Variants in INPP5D observed in about 807,000 individuals in gnomAD.
INPP5D encodes the protein phosphatidylinositol 3,4,5-trisphosphate 5-phosphatase 1.
A neutral mutation model predicts 122.9 loss-of-function variants in INPP5D; 33 were observed. The observed-to-expected ratio is 0.27, with a 90% CI of 0.20 to 0.36. The LOEUF (loss-of-function observed/expected upper bound fraction) is 0.36, where lower values mean the gene tolerates loss of function less well. Among genes scored for constraint, INPP5D ranks in the 10% least tolerant of loss-of-function variants. The pLI is 1.00. For missense variants in INPP5D, 1,053 were observed against 1,412.7 expected (o/e 0.75, Z 4.08); for synonymous variants, 584 against 576.2 (o/e 1.01, Z -0.19).
chr2:233,088,854 A>G (rs1355462559), intron 2 of INPP5D, among the ~76,000 whole-genome samples: 1 of 152,150 alleles, frequency 6.6e-6, no homozygotes, highest in East Asian at 1.9e-4. Flanking sequence ...CAGCAAGGCC[A>G]TCCAAAGGGG....
intron 7 of INPP5D, 42 bp from the exon 8 acceptor site, chr2:233,146,325 G>A (rs571330134): frequency 3.4e-5 from 24 of 704,238 alleles, no homozygotes; most frequent in South Asian, 5.9e-5. Flanking sequence ...GCACAGGCTC[G>A]GCGTCCCCTT....
chr2:233,137,832 CAAAAAAAAAAAAAAAAA>C (rs746005379), intron 5 of INPP5D, among the ~76,000 whole-genome samples: 1 of 10,142 alleles, frequency 9.9e-5, no homozygotes, highest in African/African-American at 2.7e-4. Flanking sequence ...AACTCCATCA[CAAAAAAAAAAAAAAAAA>C]AAAAATATAT....
At chr2:233,130,981 C>A in intron 5 of INPP5D, 1 of 469,202 alleles carries the variant, frequency 2.1e-6, no homozygotes, top group Non-Finnish European at 4.0e-6. Flanking sequence ...GCTGCTCTTG[C>A]TGTTTGCTGC....
At position 233,183,721 on chromosome 2, in the gene INPP5D, C is replaced by T. The variant is rs1694839883; in HGVS notation, c.2162-687C>T. On this transcript the variant is annotated intron_variant, in intron 19 of 26. Transcript: ENST00000445964. This position sits in a 1 kb window ranked among gnomAD's most constrained non-coding sequence, Gnocchi z 4.6. ...AGCATTGACAGGGCATCTACCTAAG[C>T]CAAGCCTGGACTGGGCACTGTGGGA... Among the ~76,000 whole-genome samples the T allele has an allele frequency of 6.6e-6, 1 of 152,140 alleles. No homozygotes were observed. Among genetic ancestry groups the T allele is most frequent in the South Asian group, 2.1e-4 (1 of 4,828 alleles).
At chr2:233,141,457 C>T (rs1458095800) in intron 6 of INPP5D, 3 of 151,996 alleles carry the variant, frequency 2.0e-5, no homozygotes, top group Non-Finnish European at 2.9e-5. Flanking sequence ...ATCCCAGCTA[C>T]TCAGGAGGCT....
intron 18 of INPP5D, among the ~76,000 whole-genome samples, chr2:233,180,683 C>T (rs1391496596): frequency 2.6e-5 from 4 of 152,226 alleles, no homozygotes; most frequent in East Asian, 1.9e-4. Context: ...GGATTACAGG[C>T]GCCCACCACC....
chr2:233,066,289 C>T (rs1316173281), intron 1 of INPP5D, among the ~76,000 whole-genome samples: 3 of 152,234 alleles, frequency 2.0e-5, no homozygotes, highest in Non-Finnish European at 4.4e-5. Flanking sequence ...GGTGCCATCT[C>T]CCTGCACATG....
chr2:233,145,923 A>T (rs1693746061), intron 6 of INPP5D: 1 of 663,450 alleles, frequency 1.5e-6, no homozygotes, highest in Admixed American at 2.1e-5. Flanking sequence ...GGTGAGAAGC[A>T]CCGGGGGAGA....
At chr2:233,195,035 A>AT (rs1381406619) in intron 23 of INPP5D, among the ~76,000 whole-genome samples, 1 of 152,198 alleles carries the variant, frequency 6.6e-6, no homozygotes, top group African/African-American at 2.4e-5. Context: ...ACCTCAAGTG[A>AT]CACACCTGCC....
At chr2:233,169,262 GTC>G (rs763650281) in intron 13 of INPP5D, 41 bp from the exon 14 acceptor site, 53 of 1,559,186 alleles carry the variant, frequency 3.4e-5, no homozygotes, top group Non-Finnish European at 4.5e-5. Context: ...TGGCAAGTGT[GTC>G]TGTTTGATAT....
intron 13 of INPP5D, among the ~76,000 whole-genome samples, chr2:233,165,909 C>T (rs1281209394): frequency 6.6e-6 from 1 of 151,958 alleles, no homozygotes; most frequent in Non-Finnish European, 1.5e-5. Flanking sequence ...CACAGGGCTC[C>T]AGGGCTGGCA....
In INPP5D at chr2:233,129,611, C is replaced by A. The variant is rs957953310; in HGVS notation, c.525-897C>A. Among the ~76,000 whole-genome samples the A allele has an allele frequency of 3.3e-5, 5 of 152,168 alleles. No homozygotes were observed. In the East Asian group the frequency reaches 9.6e-4, roughly 29 times the overall value. On this transcript the variant is annotated intron_variant, in intron 4 of 26. Coordinates refer to ENST00000445964, the MANE Select transcript of INPP5D (RefSeq NM_001017915.3). The stretch of plus-strand genomic sequence containing the variant: ...TGAAGGGGTTGGAGCAGATTCCACA[C>A]GGCAAAGTCGGCCACTTGCACTACC...
chr2:233,097,950 G>A (rs921915024), intron 2 of INPP5D, among the ~76,000 whole-genome samples: 18 of 151,560 alleles, frequency 1.2e-4, no homozygotes, highest in African/African-American at 3.9e-4. Context: ...GCAGTGGCGC[G>A]ATCTCGGTCA....
intron 2 of INPP5D, among the ~76,000 whole-genome samples, chr2:233,098,936 T>TTA (rs1692225150): frequency 6.8e-6 from 1 of 145,986 alleles, no homozygotes; most frequent in Non-Finnish European, 1.5e-5. Flanking sequence ...GGAACTTTAT[T>TTA]TTTATTTATT....
At position 233,125,802 on chromosome 2, in the gene INPP5D, G is replaced by C; in HGVS notation, c.407G>C (p.Ser136Thr). The C allele has an allele frequency of 1.2e-6, 2 of 1,613,960 alleles. No homozygotes were observed. Among genetic ancestry groups the C allele is most frequent in the Non-Finnish European group, 1.7e-6 (2 of 1,179,864 alleles). Reference protein sequence around the residue: ...LPPRNIPLTASSCEAKEVPFS... With the variant: ...LPPRNIPLTATSCEAKEVPFS... ...CCAAGAAACATCCCGCTGACTGCCAGCTCCTGTGAGGCCAAGGAGGTTCCT... is the reference window on the plus strand; with the variant it reads ...CCAAGAAACATCCCGCTGACTGCCACCTCCTGTGAGGCCAAGGAGGTTCCT... Residue 136 changes from serine to threonine, a missense_variant, in exon 4 of 27, where the codon AGC becomes ACC. By Grantham distance (58) the Ser-to-Thr change is moderately conservative. Around this residue, in one of 6 missense-constraint regions of INPP5D, gnomAD observed 196 missense variants for 175.6 expected, o/e 1.12. Transcript: ENST00000445964.
chr2:233,157,370 C>G (rs1194197496), intron 9 of INPP5D, among the ~76,000 whole-genome samples: 6 of 151,686 alleles, frequency 4.0e-5, no homozygotes, highest in Non-Finnish European at 8.8e-5. Context: ...GACAAAGGAA[C>G]TGATGAAAGT....
At chr2:233,066,568 T>A (rs1256713763) in intron 1 of INPP5D, among the ~76,000 whole-genome samples, 2 of 152,172 alleles carry the variant, frequency 1.3e-5, no homozygotes, top group Non-Finnish European at 2.9e-5. Flanking sequence ...TGAGGTATAA[T>A]TCATATTCCA....
intron 4 of INPP5D, among the ~76,000 whole-genome samples, chr2:233,130,198 G>A (rs1347761151): frequency 1.3e-5 from 2 of 152,096 alleles, no homozygotes; most frequent in Non-Finnish European, 2.9e-5. Context: ...CCCAGCCTTG[G>A]TCTCCTTTTT....
In INPP5D at chr2:233,170,633, G is replaced by A. The variant is rs1324643571; in HGVS notation, c.1900+29G>A. 6 of 1,609,738 alleles carry A rather than the reference G, an allele frequency of 3.7e-6. No homozygotes were observed. Among genetic ancestry groups the A allele is most frequent in the Non-Finnish European group, 5.1e-6 (6 of 1,177,968 alleles). Reference sequence around the variant, plus strand: ...AGAGCAGCAACCCCGGCTGGGAGCGGTGGCTCACACCTGTAATCCCAGCAC... The same window carrying A: ...AGAGCAGCAACCCCGGCTGGGAGCGATGGCTCACACCTGTAATCCCAGCAC... On this transcript the variant is annotated intron_variant, in intron 16 of 26. Coordinates refer to ENST00000445964, the MANE Select transcript of INPP5D (RefSeq NM_001017915.3). The surrounding 1 kb of genome is among the most constrained non-coding windows in gnomAD (Gnocchi z 4.5).
Sources: gnomAD v4.1 joint callset for allele counts (sites outside exome capture counted in the v4.1 genomes callset) on GRCh38, gnomAD v4.1.1 for gene constraint, gnomAD v4.1.1 regional missense constraint, Gnocchi (gnomAD v3.1) non-coding constraint, MANE v1.5 for transcripts, NCBI Gene and HGNC (gene_info 2026-07-23, HGNC 2026-07-21) for gene names.